KCNQ4: variants seen among roughly 807,000 people sequenced by gnomAD.
KCNQ4 encodes the protein potassium voltage-gated channel subfamily Q member 4.
KCNQ4 carries 31 observed loss-of-function variants against 72.6 expected under a neutral mutation model. The ratio of observed to expected loss-of-function variants is 0.43; its 90% CI spans 0.32 to 0.58. The LOEUF (loss-of-function observed/expected upper bound fraction) is 0.58. Ranked by LOEUF, KCNQ4 falls within the 20% of genes least tolerant of loss-of-function variation. The probability of loss-of-function intolerance (pLI) is 0.08; values close to 1 mark genes in which losing one functional copy is unlikely to be tolerated. For synonymous variants in KCNQ4, 405 were observed against 403.7 expected (o/e 1.00, Z -0.04); for missense variants, 869 against 962.6 (o/e 0.90, Z 1.29).
chr1:40,825,209 C>G (rs759978572), intron 9 of KCNQ4, among the ~76,000 whole-genome samples: 1 of 152,152 alleles, frequency 6.6e-6, no homozygotes, highest in Non-Finnish European at 1.5e-5. Context: ...CTGAACCAGC[C>G]AAATGGACAT....
rs1647356083 is a variant in KCNQ4, at chr1:40,794,625, G to C, written c.314+10218G>C. On this transcript the variant is annotated intron_variant, in intron 1 of 13. Coordinates refer to ENST00000347132, the MANE Select transcript of KCNQ4 (RefSeq NM_004700.4). The surrounding 1 kb of genome is among the most constrained non-coding windows in gnomAD (Gnocchi z 4.2). ...AAACTGAGGAGAATAAGGACGGGGTGGCGACTCTTTCATAAAGCTAAATTT... is the reference window on the plus strand; with the variant it reads ...AAACTGAGGAGAATAAGGACGGGGTCGCGACTCTTTCATAAAGCTAAATTT... Among the ~76,000 whole-genome samples the C allele has an allele frequency of 1.3e-5, 2 of 152,178 alleles. No individual in the cohort carries two copies. Among genetic ancestry groups the C allele is most frequent in the Admixed American group, 1.3e-4 (2 of 15,282 alleles).
At chr1:40,830,343 T>G (rs1030917162) in intron 9 of KCNQ4, among the ~76,000 whole-genome samples, 1 of 152,122 alleles carries the variant, frequency 6.6e-6, no homozygotes, top group Admixed American at 6.5e-5. Flanking sequence ...GCTGCACACC[T>G]CCAGGGCACC....
chr1:40,810,640 G>A (rs749558193), intron 1 of KCNQ4, among the ~76,000 whole-genome samples: 13 of 152,080 alleles, frequency 8.5e-5, no homozygotes, highest in Non-Finnish European at 1.5e-4. Context: ...TGGACATGTC[G>A]AGAGAGAGAG....
intron 1 of KCNQ4, among the ~76,000 whole-genome samples, chr1:40,795,012 C>T (rs1401186332): frequency 6.6e-6 from 1 of 152,108 alleles, no homozygotes; most frequent in African/African-American, 2.4e-5. Flanking sequence ...ATCAAGGGCT[C>T]ACCCCTCAGT....
rs1418629691 is a variant in KCNQ4, at chr1:40,824,240, C to T, written c.1274C>T (p.Ser425Phe). 6.2e-7 allele frequency: 1 copy of T among 1,608,752 alleles called. No homozygotes were observed. Among genetic ancestry groups the T allele is most frequent in the Non-Finnish European group, 8.5e-7 (1 of 1,178,434 alleles). Reference protein sequence around the residue: ...VATCHRPGSTSFCPGESSRMG... With the variant: ...VATCHRPGSTFFCPGESSRMG... Reference sequence around the variant, plus strand: ...ACCTGCCACCGGCCGGGCAGCACCTCCTTCTGCCCTGGGGAAAGGTAGGGG... The same window carrying T: ...ACCTGCCACCGGCCGGGCAGCACCTTCTTCTGCCCTGGGGAAAGGTAGGGG... Residue 425 changes from serine to phenylalanine, a missense_variant, in exon 9 of 14, where the codon TCC becomes TTC. Transcript: ENST00000347132.
intron 12 of KCNQ4, among the ~76,000 whole-genome samples, chr1:40,836,472 C>G (rs529087033): frequency 2.8e-4 from 42 of 152,130 alleles, no homozygotes; most frequent in African/African-American, 9.6e-4. Context: ...GTGTGGAGTG[C>G]AGAGCAGAAG....
chr1:40,808,382 A>G (rs927464296), intron 1 of KCNQ4, among the ~76,000 whole-genome samples: 5 of 152,216 alleles, frequency 3.3e-5, no homozygotes, highest in Non-Finnish European at 7.3e-5. Context: ...GCATGTGTTG[A>G]GTGCCTGTGA....
At chr1:40,819,285 G>A in intron 4 of KCNQ4, 62 bp from the exon 5 acceptor site, 2 of 1,602,800 alleles carry the variant, frequency 1.2e-6, no homozygotes, top group Non-Finnish European at 1.7e-6. Flanking sequence ...CCGTGTGGAA[G>A]CCCCCCACAT....
chr1:40,816,345 G>A (rs1000814904), intron 1 of KCNQ4, among the ~76,000 whole-genome samples: 5 of 152,022 alleles, frequency 3.3e-5, no homozygotes, highest in Non-Finnish European at 7.4e-5. Flanking sequence ...CTCTCACCTC[G>A]CTCTCCTTCA....
In KCNQ4 at chr1:40,832,890, G is replaced by C. The variant is rs1648692565; in HGVS notation, c.1514-124G>C. Reference sequence around the variant, plus strand: ...GACACAGGAGCCCCAAGAAGGTTCTGAGCCCTTTCTGGGCCTCTGTCTTCC... The same window carrying C: ...GACACAGGAGCCCCAAGAAGGTTCTCAGCCCTTTCTGGGCCTCTGTCTTCC... On this transcript the variant is annotated intron_variant, in intron 10 of 13. Coordinates refer to ENST00000347132, the MANE Select transcript of KCNQ4 (RefSeq NM_004700.4). The C allele has an allele frequency of 1.2e-5, 9 of 754,310 alleles. No individual in the cohort carries two copies. In the East Asian group the frequency reaches 2.3e-4, roughly 20 times the overall value. The allele number at this position is 754,310 out of a possible 1,614,324, so 46.7% of individuals were successfully genotyped here. A position where few individuals can be genotyped will look rare whatever the true frequency, so the allele number is the denominator to read the frequency against.
intron 9 of KCNQ4, among the ~76,000 whole-genome samples, chr1:40,826,908 T>C (rs1194286158): frequency 6.6e-6 from 1 of 152,212 alleles, no homozygotes; most frequent in African/African-American, 2.4e-5. Flanking sequence ...GCAGGAGCCT[T>C]AAGGATGTGT....
At chr1:40,792,963 G>A (rs1175142136) in intron 1 of KCNQ4, among the ~76,000 whole-genome samples, 3 of 151,648 alleles carry the variant, frequency 2.0e-5, no homozygotes, top group Non-Finnish European at 2.9e-5. Context: ...GCCTCCCCAA[G>A]GGGCCCCTGT....
chr1:40,789,376 C>T (rs886602440), intron 1 of KCNQ4, among the ~76,000 whole-genome samples: 5 of 152,318 alleles, frequency 3.3e-5, no homozygotes, highest in Non-Finnish European at 7.3e-5. Flanking sequence ...TTTTCCTAAC[C>T]TAGCCAACAG....
chr1:40,808,875 C>T (rs115281219), intron 1 of KCNQ4, among the ~76,000 whole-genome samples: 1,532 of 152,328 alleles, frequency 0.01, 21 homozygotes, highest in African/African-American at 0.035. Flanking sequence ...TCTCCAGCTA[C>T]GATCTCTGAT....
In KCNQ4 at chr1:40,837,718, G is replaced by A. The variant is rs766417494; in HGVS notation, c.1799G>A (p.Gly600Asp). 1 of 1,613,432 alleles carries A rather than the reference G, an allele frequency of 6.2e-7. No individual in the cohort carries two copies. The highest frequency in any genetic ancestry group is 1.1e-5 in the South Asian group (1 of 90,928). ...GPGDRKAREK[G>D]DKGPSDAEVV... ...GGGGACAGGAAGGCCCGGGAGAAGGGCGACAAGGGGCCCTCCGACGCGGAG... is the reference window on the plus strand; with the variant it reads ...GGGGACAGGAAGGCCCGGGAGAAGGACGACAAGGGGCCCTCCGACGCGGAG... Residue 600 changes from glycine to aspartate, a missense_variant, in exon 13 of 14, where the codon GGC (glycine) becomes GAC (aspartate). Coordinates refer to ENST00000347132, the MANE Select transcript of KCNQ4 (RefSeq NM_004700.4).
At chr1:40,838,138 C>T (rs537172099) in intron 13 of KCNQ4, among the ~76,000 whole-genome samples, 173 bp from the exon 14 acceptor site, 22 of 152,274 alleles carry the variant, frequency 1.4e-4, no homozygotes, top group South Asian at 1.0e-3. Flanking sequence ...TGCACCAGTG[C>T]CCAGCTTCGC....
chr1:40,837,611 T>C (rs1225802833), intron 12 of KCNQ4, 54 bp from the exon 13 acceptor site: 2 of 1,586,690 alleles, frequency 1.3e-6, no homozygotes, highest in African/African-American at 1.4e-5. Context: ...ATAATTCTTG[T>C]GGAAGGGAGG....
At chr1:40,829,926 A>ACT (rs1449700091) in intron 9 of KCNQ4, among the ~76,000 whole-genome samples, 11 of 152,172 alleles carry the variant, frequency 7.2e-5, no homozygotes, top group Admixed American at 2.6e-4. Context: ...ACACAGAGTT[A>ACT]CTCTACCAGA....
At chr1:40,803,247 A>G (rs774591172) in intron 1 of KCNQ4, among the ~76,000 whole-genome samples, 10 of 152,164 alleles carry the variant, frequency 6.6e-5, no homozygotes, top group Non-Finnish European at 1.3e-4. Context: ...GGGAAGCTGG[A>G]ATTGCCAGTC....
Sources: gnomAD v4.1 joint callset for allele counts (sites outside exome capture counted in the v4.1 genomes callset) on GRCh38, gnomAD v4.1.1 for gene constraint, Gnocchi (gnomAD v3.1) non-coding constraint, MANE v1.5 for transcripts, NCBI Gene and HGNC (gene_info 2026-07-23, HGNC 2026-07-21) for gene names.